RAB11FIP5: variants seen among roughly 807,000 people sequenced by gnomAD.
RAB11FIP5 encodes rab11 family-interacting protein 5.
In RAB11FIP5, 48 loss-of-function variants were observed where a neutral mutation model predicts 85.1. The observed-to-expected ratio is 0.56, with a 90% confidence interval of 0.45 to 0.72. The LOEUF is 0.72. Among genes scored for constraint, RAB11FIP5 ranks in the 30% least tolerant of loss-of-function variants. The pLI is 0.00. For missense variants in RAB11FIP5, 1,491 were observed against 1,687.0 expected, an observed-to-expected ratio of 0.88 and a Z score of 2.04; for synonymous variants, 729 against 727.3, an observed-to-expected ratio of 1.00 and a Z score of -0.04.
At position 73,089,145 on chromosome 2, in the gene RAB11FIP5, T is replaced by C. The variant is rs1434125188; in HGVS notation, c.602A>G (p.Lys201Arg). The C allele has an allele frequency of 1.2e-6, 2 of 1,614,216 alleles. No homozygotes were observed. The highest frequency in any genetic ancestry group is 1.7e-6 in the Non-Finnish European group (2 of 1,180,032). ...AGAGGCAGATTCCAGATCATACTTC[T>C]TCTTGCCCTTCATCTTGTCCCTGAT... is the stretch of plus-strand genomic sequence containing the variant. ...SKIRDKMKGK[K>R]KYDLESASAI... Residue 201 changes from lysine to arginine, a missense_variant, in exon 2 of 6, where the codon AAG (lysine) becomes AGG (arginine). Lys to Arg is a conservative substitution (Grantham distance 26, BLOSUM62 2). Transcript: ENST00000486777. The surrounding 1 kb of genome is among the most constrained non-coding windows in gnomAD (Gnocchi z 4.6).
At chr2:73,077,419 A>G (rs373822342) in intron 4 of RAB11FIP5, among the ~76,000 whole-genome samples, 1 of 152,202 alleles carries the variant, frequency 6.6e-6, no homozygotes, top group African/African-American at 2.4e-5. Context: ...TTCTAGTCAC[A>G]GCCACTAAAT....
chr2:73,112,267 A>G, intron 1 of RAB11FIP5, 80 bp downstream of exon 1: 1 of 1,369,056 alleles, frequency 7.3e-7, no homozygotes, highest in Non-Finnish European at 9.5e-7. Context: ...GGCCCGGCTG[A>G]AGTTCGGGGT....
intron 1 of RAB11FIP5, among the ~76,000 whole-genome samples, chr2:73,104,465 G>A (rs922341057): frequency 6.6e-6 from 1 of 152,200 alleles, no homozygotes. Context: ...CTGCTCGGTA[G>A]GCTGAGGCAG....
chr2:73,097,645 T>C (rs1427921506), intron 1 of RAB11FIP5, among the ~76,000 whole-genome samples: 2 of 152,198 alleles, frequency 1.3e-5, no homozygotes, highest in African/African-American at 2.4e-5. Context: ...TTGTGAGAGC[T>C]GGAGCTCCCA....
chr2:73,096,439 C>A (rs1251333781), intron 1 of RAB11FIP5, among the ~76,000 whole-genome samples: 1 of 152,200 alleles, frequency 6.6e-6, no homozygotes, highest in East Asian at 1.9e-4. Flanking sequence ...GTAGCTGCAG[C>A]AGCAGGCCTG....
intron 1 of RAB11FIP5, among the ~76,000 whole-genome samples, chr2:73,094,714 A>G (rs781264011): frequency 8.6e-5 from 13 of 152,020 alleles, no homozygotes; most frequent in Non-Finnish European, 1.3e-4. Flanking sequence ...AGGACACTCA[A>G]TCGGTACCCA....
intron 1 of RAB11FIP5, among the ~76,000 whole-genome samples, chr2:73,100,425 GTT>G (rs573555727): frequency 1.1e-4 from 15 of 131,040 alleles, no homozygotes; most frequent in Non-Finnish European, 1.3e-4. Context: ...TTTGGTTGTG[GTT>G]TTTTTTTTTT....
intron 1 of RAB11FIP5, among the ~76,000 whole-genome samples, chr2:73,091,456 T>TAC (rs149847289): frequency 5.4e-4 from 80 of 149,346 alleles, no homozygotes; most frequent in Middle Eastern, 3.5e-3. Flanking sequence ...CACACACACA[T>TAC]ACACACACAC....
Position 73,076,068 on chromosome 2 carries a change from T to C in RAB11FIP5, c.3696A>G (p.Thr1232=), listed in dbSNP as rs761284808. 20 of 1,614,186 alleles carry C rather than the reference T, an allele frequency of 1.2e-5. No homozygotes were observed. The highest frequency in any genetic ancestry group is 1.6e-5 in the Non-Finnish European group (19 of 1,179,992). Residue 1232 remains threonine (T), a synonymous_variant, in exon 5 of 6, where the codon ACA becomes ACG. Transcript: ENST00000486777. ...CAGGCTGAATGCTCCCAGATGTGAC[T>C]GTTTTGAGCTTCTCCAGCCCACTGC... ...ALSSGLEKLK[T]VTSGSIQPVT... is the part of the protein sequence containing the mutation.
rs995832843 is a variant in RAB11FIP5, at chr2:73,089,822, C to T, written c.432-507G>A. On this transcript the variant is annotated intron_variant, in intron 1 of 5. Transcript: ENST00000486777. The surrounding 1 kb of genome is among the most constrained non-coding windows in gnomAD (Gnocchi z 4.6). ...CCACCGTGAGCCCAGGAAAGAACAG[C>T]TCACCCAGAGGCCCAGGGCCAGGAA... 6.6e-6 allele frequency among the ~76,000 whole-genome samples: 1 copy of T among 151,888 alleles called. No individual in the cohort carries two copies. The highest frequency in any genetic ancestry group is 1.5e-5 in the Non-Finnish European group (1 of 67,956).
rs138258802 is a variant in RAB11FIP5 at position 73,088,179 on chromosome 2, C to T, written c.1439G>A (p.Arg480Gln). 34 of 1,613,858 alleles carry T rather than the reference C, an allele frequency of 2.1e-5. No homozygotes were observed. Among genetic ancestry groups the T allele is most frequent in the African/African-American group, 8.0e-5 (6 of 74,916 alleles). The change falls in exon 3 of 6, where the codon CGA becomes CAA. Residue 480 changes from arginine to glutamine, a missense_variant. Physicochemically the swap from Arg to Gln is conservative, Grantham distance 43. Coordinates refer to ENST00000486777, the MANE Select transcript of RAB11FIP5 (RefSeq NM_001371272.1). The stretch of plus-strand genomic sequence containing the variant: ...ACCCCCCTTTTCCCCCAGAGAGCTT[C>T]GGCGACCCAACTCGCTCCGACTTAG... Reference protein sequence around the residue: ...QGLSRSELGRRSSLGEKGGPI... With the variant: ...QGLSRSELGRQSSLGEKGGPI...
At chr2:73,109,762 T>C (rs1684604352) in intron 1 of RAB11FIP5, among the ~76,000 whole-genome samples, 1 of 152,204 alleles carries the variant, frequency 6.6e-6, no homozygotes, top group Admixed American at 6.5e-5. Flanking sequence ...TACTCTTCTG[T>C]GTACTCCGTC....
chr2:73,088,029 T>A (rs1441636874), intron 3 of RAB11FIP5, 21 bp downstream of exon 3: 1 of 1,566,696 alleles, frequency 6.4e-7, no homozygotes, highest in Non-Finnish European at 8.7e-7. Flanking sequence ...AGGAGCAAAG[T>A]TGGTCTTGCC....
intron 1 of RAB11FIP5, among the ~76,000 whole-genome samples, chr2:73,093,049 C>G (rs1177111096): frequency 6.6e-5 from 10 of 152,182 alleles, no homozygotes; most frequent in Non-Finnish European, 1.5e-4. Flanking sequence ...ACAGACCTGT[C>G]GGGCACCATG....
At chr2:73,085,469 C>T (rs1050087663) in intron 3 of RAB11FIP5, among the ~76,000 whole-genome samples, 1 of 152,216 alleles carries the variant, frequency 6.6e-6, no homozygotes, top group Non-Finnish European at 1.5e-5. Flanking sequence ...GTTTAAAATG[C>T]GTGGTCTTGC....
chr2:73,076,854 T>G (rs1012824932), intron 4 of RAB11FIP5, among the ~76,000 whole-genome samples: 2 of 152,184 alleles, frequency 1.3e-5, no homozygotes, highest in Non-Finnish European at 2.9e-5. Flanking sequence ...CCTTAACCCA[T>G]TAGAACAGGA....
chr2:73,094,392 C>G (rs1684279458), intron 1 of RAB11FIP5, among the ~76,000 whole-genome samples: 1 of 152,182 alleles, frequency 6.6e-6, no homozygotes, highest in African/African-American at 2.4e-5. Flanking sequence ...ACCAAGGCCC[C>G]AACATTCATC....
Position 73,112,789 on chromosome 2 carries a change from G to T in RAB11FIP5, c.-12C>A, listed in dbSNP as rs1275667311. On this transcript the variant is annotated 5_prime_UTR_variant, in exon 1 of 6. Transcript: ENST00000486777. ...CGCACCAGGGCCATGGCGGAGAAGC[G>T]GGGGGCGAGGTCTGGCCGAGCCGGT... 7.1e-6 allele frequency: 10 copies of T among 1,418,196 alleles called. No individual in the cohort carries two copies. The Admixed American group carries it at 9.4e-5, about 13-fold the overall frequency. The allele number at this position is 1,418,196 out of a possible 1,614,324, so 87.9% of individuals were successfully genotyped here.
rs1171486096 is a variant in RAB11FIP5, at chr2:73,112,334, G to T, written c.431+13C>A. Reference sequence around the variant, plus strand: ...CCTTTAGCCGTTTCTGTGCCCCCGCGCCCCCTACTCACTGCGTGTGCTGGG... The same window carrying T: ...CCTTTAGCCGTTTCTGTGCCCCCGCTCCCCCTACTCACTGCGTGTGCTGGG... On this transcript the variant is annotated intron_variant, in intron 1 of 5. Coordinates refer to ENST00000486777, the MANE Select transcript of RAB11FIP5 (RefSeq NM_001371272.1). 6.4e-7 allele frequency: 1 copy of T among 1,561,530 alleles called. No individual in the cohort carries two copies.
Sources: allele counts gnomAD v4.1 joint callset (sites outside exome capture counted in the v4.1 genomes callset), GRCh38; gene constraint gnomAD v4.1.1; non-coding constraint Gnocchi (gnomAD v3.1); transcripts MANE v1.5; gene names NCBI Gene and HGNC (gene_info 2026-07-23, HGNC 2026-07-21).